SLC5A11: variants seen among roughly 807,000 people sequenced by gnomAD.
SLC5A11 encodes solute carrier family 5 member 11.
SLC5A11 carries 48 observed loss-of-function variants against 69.8 expected under a neutral mutation model. The observed-to-expected ratio is 0.69, with a 90% CI of 0.55 to 0.87. The LOEUF (loss-of-function observed/expected upper bound fraction) is 0.87. SLC5A11 is among the 40% of genes least tolerant of loss of function. The probability of loss-of-function intolerance (pLI) is 0.00; values close to 1 mark genes in which losing one functional copy is unlikely to be tolerated. For synonymous variants in SLC5A11, 319 were observed against 342.4 expected, an observed-to-expected ratio of 0.93 and a Z score of 0.75; for missense variants, 784 against 866.1, an observed-to-expected ratio of 0.91 and a Z score of 1.19.
chr16:24,906,972 C>G lies in SLC5A11; in HGVS notation c.1115-53C>G, dbSNP rs923774275. The G allele has an allele frequency of 3.8e-6, 6 of 1,591,212 alleles. No individual in the cohort carries two copies. In the South Asian group the frequency reaches 5.7e-5, roughly 15 times the overall value. The stretch of plus-strand genomic sequence containing the variant: ...CTCCTCCAGTTGAGCCCACTGGGAT[C>G]GGCTGCTTTGGCAGAAAAGGACCGA... On this transcript the variant is annotated intron_variant, in intron 11 of 15. Coordinates refer to ENST00000347898, the Ensembl canonical transcript of SLC5A11.
chr16:24,882,981 A>G (rs2048143983), intron 7 of SLC5A11, among the ~76,000 whole-genome samples: 1 of 152,194 alleles, frequency 6.6e-6, no homozygotes, highest in Non-Finnish European at 1.5e-5. Flanking sequence ...AAACCCAACA[A>G]GAATCCTCTG....
At chr16:24,884,517 T>G (rs960903389) in intron 8 of SLC5A11, among the ~76,000 whole-genome samples, 1 of 46,984 alleles carries the variant, frequency 2.1e-5, no homozygotes, top group Middle Eastern at 8.9e-3. Context: ...TATTTTGTTT[T>G]TTTTTTTTTT....
intron 7 of SLC5A11, among the ~76,000 whole-genome samples, chr16:24,878,939 G>A (rs865812991): frequency 6.6e-6 from 1 of 152,190 alleles, no homozygotes; most frequent in African/African-American, 2.4e-5. Flanking sequence ...GGAGGCTGAG[G>A]CAAGAGAATC....
At chr16:24,900,343 G>T (rs1393396223) in intron 10 of SLC5A11, among the ~76,000 whole-genome samples, 1 of 152,170 alleles carries the variant, frequency 6.6e-6, no homozygotes, top group East Asian at 1.9e-4. Flanking sequence ...TTTGTAGTTG[G>T]CTCAGAAGCT....
intron 10 of SLC5A11, among the ~76,000 whole-genome samples, chr16:24,900,444 C>T (rs1161292468): frequency 6.6e-6 from 1 of 152,156 alleles, no homozygotes; most frequent in Admixed American, 6.6e-5. Context: ...GACCTTGAAC[C>T]CTTGTGTTCC....
At chr16:24,849,081 TAGAGGTGCTCAC>T (rs2059151800) in intron 1 of SLC5A11, among the ~76,000 whole-genome samples, 1 of 152,256 alleles carries the variant, frequency 6.6e-6, no homozygotes, top group African/African-American at 2.4e-5. Flanking sequence ...GCCTGGCACA[TAGAGGTGCTCAC>T]AGACCACTTG....
intron 10 of SLC5A11, among the ~76,000 whole-genome samples, chr16:24,904,966 T>C (rs2049909991): frequency 6.6e-6 from 1 of 150,452 alleles, no homozygotes; most frequent in South Asian, 2.1e-4. Flanking sequence ...CAGGCCCCAG[T>C]GTGTGATGTT....
intron 4 of SLC5A11, among the ~76,000 whole-genome samples, chr16:24,870,262 C>T (rs2047190859): frequency 6.6e-6 from 1 of 151,264 alleles, no homozygotes. Context: ...AGTGTAATGG[C>T]GGGCGCCGTA....
Position 24,907,018 on chromosome 16 carries a change from C to T in SLC5A11, c.1115-7C>T, listed in dbSNP as rs759980724. ...ACCGAGGCCCATGACCTCCCTTCCG[C>T]CCCCAGGGCTCCGTGGGCTGATGAT... On this transcript the variant is annotated splice_region_variant and splice_polypyrimidine_tract_variant and intron_variant, in intron 11 of 15. Coordinates refer to ENST00000347898, the Ensembl canonical transcript of SLC5A11. 3.3e-5 allele frequency: 54 copies of T among 1,613,186 alleles called. No homozygotes were observed. The highest frequency in any genetic ancestry group is 1.8e-4 in the Admixed American group (11 of 59,882).
In SLC5A11 at chr16:24,863,126, A is replaced by G. The variant is rs367975549; in HGVS notation, c.207+454A>G. On this transcript the variant is annotated intron_variant, in intron 3 of 15. Transcript: ENST00000347898. ...TTATATATAATAAATATGTAAATATATATGTATAATCACAACCTTAAATAG... is the reference window on the plus strand; with the variant it reads ...TTATATATAATAAATATGTAAATATGTATGTATAATCACAACCTTAAATAG... 8.8e-5 allele frequency among the ~76,000 whole-genome samples: 13 copies of G among 147,192 alleles called. No homozygotes were observed. The East Asian group carries it at 2.3e-3, about 26-fold the overall frequency.
At chr16:24,854,349 T>C (rs2059436405) in intron 1 of SLC5A11, among the ~76,000 whole-genome samples, 3 of 151,910 alleles carry the variant, frequency 2.0e-5, no homozygotes, top group Admixed American at 6.6e-5. Flanking sequence ...TGGATTCGAG[T>C]CCCAGCTTTG....
chr16:24,891,310 C>CTTTTTT (rs11286846), intron 9 of SLC5A11, among the ~76,000 whole-genome samples: 1 of 102,174 alleles, frequency 9.8e-6, no homozygotes. Flanking sequence ...CACACTCTGC[C>CTTTTTT]TTTTTTTTTT....
chr16:24,849,622 A>ATATATATATATATC (rs1459859144), intron 1 of SLC5A11, among the ~76,000 whole-genome samples: 1 of 128,240 alleles, frequency 7.8e-6, no homozygotes, highest in African/African-American at 3.0e-5. Context: ...ATATATATAT[A>ATATATATATATATC]TCCATGAGAG....
chr16:24,892,312 T>G (rs935002999), intron 9 of SLC5A11, among the ~76,000 whole-genome samples: 13 of 151,966 alleles, frequency 8.6e-5, no homozygotes, highest in Admixed American at 5.9e-4. Context: ...GAGCGAGAGC[T>G]TCCTGTGATT....
chr16:24,873,856 C>T (rs1410145989), intron 5 of SLC5A11, among the ~76,000 whole-genome samples: 5 of 130,022 alleles, frequency 3.8e-5, no homozygotes, highest in South Asian at 2.4e-4. Context: ...GGCAGAGTTT[C>T]GCTCTGCTGC....
In SLC5A11 at chr16:24,910,517, C is replaced by A. The variant is rs147448040; in HGVS notation, c.1822+40C>A. On this transcript the variant is annotated intron_variant, in intron 15 of 15. Coordinates refer to ENST00000347898, the Ensembl canonical transcript of SLC5A11. ...TCCTCAGTTACAGCAAGAAGGAGTA[C>A]GTGTTAAAGGGATTGATTTTTTTTT... 1.6e-4 allele frequency: 248 copies of A among 1,569,772 alleles called. 4 individuals are homozygous for A. The South Asian group carries it at 2.5e-3, about 16-fold the overall frequency.
rs978775543 is a variant in SLC5A11, at chr16:24,885,116, C to T, written c.664+985C>T. Among the ~76,000 whole-genome samples, 5 of 152,246 alleles carry T rather than the reference C, an allele frequency of 3.3e-5. No individual in the cohort carries two copies. The South Asian group carries it at 6.2e-4, about 19-fold the overall frequency. ...ATTTCAAAATATTCGCCCAATTCTT[C>T]GTACCAGCTTGTGTGGTGATCCTGT... is the stretch of plus-strand genomic sequence containing the variant. On this transcript the variant is annotated intron_variant, in intron 8 of 15. Transcript: ENST00000347898.
chr16:24,860,167 G>A (rs1252815165), intron 2 of SLC5A11, among the ~76,000 whole-genome samples: 4 of 152,114 alleles, frequency 2.6e-5, no homozygotes, highest in Non-Finnish European at 5.9e-5. Context: ...GGTGCCTATA[G>A]TCCCAGCTAC....
exon 13 of SLC5A11, chr16:24,907,970 G>A (rs761834897): frequency 1.2e-6 from 2 of 1,614,088 alleles, no homozygotes; most frequent in South Asian, 2.2e-5. Flanking sequence ...CAGGGTGTTT[G>A]TGCTGCTGCT....
Sources: allele counts gnomAD v4.1 joint callset (sites outside exome capture counted in the v4.1 genomes callset), GRCh38; gene constraint gnomAD v4.1.1; transcripts MANE v1.5; gene names NCBI Gene and HGNC (gene_info 2026-07-23, HGNC 2026-07-21).